Variants in ALG9 observed in about 807,000 individuals in gnomAD.
ALG9 encodes alpha-1,2-mannosyltransferase ALG9.
A neutral mutation model predicts 81.8 loss-of-function variants in ALG9; 55 were observed. The observed-to-expected ratio is 0.67, with a 90% CI of 0.54 to 0.84. The LOEUF is 0.84. ALG9 is among the 40% of genes least tolerant of loss of function. The pLI, the probability that ALG9 is intolerant of heterozygous loss-of-function variation, is 0.00. For synonymous variants in ALG9, 278 were observed against 274.3 expected (o/e 1.01, Z -0.13); for missense variants, 629 against 745.0 (o/e 0.84, Z 1.81).
intron 14 of ALG9, among the ~76,000 whole-genome samples, chr11:111,801,516 T>A (rs1357468521): frequency 6.6e-6 from 1 of 152,258 alleles, no homozygotes; most frequent in East Asian, 1.9e-4. Flanking sequence ...GTAAACGGAC[T>A]TTCATATATT....
intron 8 of ALG9, among the ~76,000 whole-genome samples, chr11:111,848,297 C>A (rs781998752): frequency 5.9e-5 from 9 of 152,166 alleles, no homozygotes; most frequent in Non-Finnish European, 1.2e-4. Context: ...TCCCCAGCTT[C>A]AAATGAAAGG....
At chr11:111,865,011 A>G (rs1961825722) in intron 4 of ALG9, among the ~76,000 whole-genome samples, 170 bp downstream of exon 4, 1 of 152,200 alleles carries the variant, frequency 6.6e-6, no homozygotes, top group Non-Finnish European at 1.5e-5. Context: ...TCTCTACCTC[A>G]GGTGATCTGC....
intron 14 of ALG9, among the ~76,000 whole-genome samples, chr11:111,802,294 T>C (rs1949246408): frequency 6.6e-6 from 1 of 152,240 alleles, no homozygotes; most frequent in Non-Finnish European, 1.5e-5. Flanking sequence ...CCAAAAAGTA[T>C]AAATGATTGA....
intron 2 of ALG9, among the ~76,000 whole-genome samples, chr11:111,869,605 A>G (rs1465285052): frequency 6.6e-6 from 1 of 152,094 alleles, no homozygotes; most frequent in Non-Finnish European, 1.5e-5. Flanking sequence ...AAAAAAAAAG[A>G]AAATTACAAA....
chr11:111,870,412 A>T lies in ALG9; in HGVS notation c.132-42T>A, dbSNP rs782082620. On this transcript the variant is annotated intron_variant, in intron 1 of 14. Coordinates refer to ENST00000616540, the MANE Select transcript of ALG9 (RefSeq NM_024740.2). ...AAAAAAAAAAAAAAAAAAGCATGTCAGGAAGGACCTGCTAATCAGAAGACC... is the reference window on the plus strand; with the variant it reads ...AAAAAAAAAAAAAAAAAAGCATGTCTGGAAGGACCTGCTAATCAGAAGACC... The T allele has an allele frequency of 8.1e-6, 12 of 1,488,182 alleles. No individual in the cohort carries two copies. The East Asian group carries it at 2.8e-4, about 35-fold the overall frequency. 92.2% of individuals were successfully genotyped at this position (1,488,182 alleles called of 1,614,324 possible). A position where few individuals can be genotyped will look rare whatever the true frequency, so the allele number is the denominator to read the frequency against.
intron 13 of ALG9, among the ~76,000 whole-genome samples, chr11:111,813,146 T>C (rs192488602): frequency 6.6e-6 from 1 of 152,144 alleles, no homozygotes; most frequent in African/African-American, 2.4e-5. Flanking sequence ...AAATCAACTT[T>C]AGATGAATAG....
chr11:111,859,728 ATC>A (rs1176603667), intron 5 of ALG9, among the ~76,000 whole-genome samples: 2 of 152,100 alleles, frequency 1.3e-5, no homozygotes, highest in Admixed American at 6.6e-5. Context: ...CAGCCCTGAC[ATC>A]TCTGCAGAAC....
intron 14 of ALG9, among the ~76,000 whole-genome samples, chr11:111,793,048 A>G (rs1555071803): frequency 6.6e-6 from 1 of 152,172 alleles, no homozygotes; most frequent in African/African-American, 2.4e-5. Flanking sequence ...TAGTAGTGTG[A>G]TCCCAGCTCA....
intron 13 of ALG9, among the ~76,000 whole-genome samples, chr11:111,834,554 A>C (rs782785204): frequency 5.3e-5 from 8 of 152,370 alleles, no homozygotes; most frequent in Non-Finnish European, 1.0e-4. Flanking sequence ...CTGAAATTAA[A>C]CAGAGAAGCT....
At chr11:111,845,712 ACT>A (rs781783572) in intron 8 of ALG9, among the ~76,000 whole-genome samples, 1 of 152,164 alleles carries the variant, frequency 6.6e-6, no homozygotes, top group Non-Finnish European at 1.5e-5. Context: ...GGTTTTAATC[ACT>A]GTGTGTTGTG....
intron 13 of ALG9, 21 bp from the exon 14 acceptor site, chr11:111,809,794 C>T: frequency 6.2e-7 from 1 of 1,613,522 alleles, no homozygotes; most frequent in South Asian, 1.1e-5. Flanking sequence ...GAAAGGCCAA[C>T]TCTTCATTAG....
intron 3 of ALG9, 145 bp downstream of exon 3, chr11:111,868,457 T>A (rs1434933188): frequency 2.0e-5 from 21 of 1,046,964 alleles, no homozygotes; most frequent in Non-Finnish European, 2.8e-5. Context: ...TCATTAATGC[T>A]TGTTGAATGG....
At chr11:111,799,415 A>G (rs1054562086) in intron 14 of ALG9, among the ~76,000 whole-genome samples, 9 of 150,866 alleles carry the variant, frequency 6.0e-5, no homozygotes, top group African/African-American at 2.2e-4. Context: ...TCCTGGGATT[A>G]CAGGCATGAG....
rs1946151018 is a variant in ALG9 at position 111,783,617 on chromosome 11, G to A, written c.*2780C>T. On this transcript the variant is annotated 3_prime_UTR_variant, in exon 15 of 15. Transcript: ENST00000616540. Reference sequence around the variant, plus strand: ...GAGAACTGCTACTCTGAGCAGGTGTGTTGAAACTGTTTTTCCCAGGCAAAG... The same window carrying A: ...GAGAACTGCTACTCTGAGCAGGTGTATTGAAACTGTTTTTCCCAGGCAAAG... 1.3e-5 allele frequency: 2 copies of A among 152,180 alleles called. No homozygotes were observed. Among genetic ancestry groups the A allele is most frequent in the South Asian group, 4.1e-4 (2 of 4,834 alleles). The allele number at this position is 152,180 out of a possible 1,614,324, so 9.4% of individuals were successfully genotyped here.
intron 2 of ALG9, among the ~76,000 whole-genome samples, 174 bp from the exon 3 acceptor site, chr11:111,868,910 C>G (rs189505073): frequency 6.6e-6 from 1 of 151,752 alleles, no homozygotes; most frequent in East Asian, 1.9e-4. Context: ...TGCTTGAGCC[C>G]AGTAGTTAAA....
chr11:111,815,754 G>A (rs1465968423), intron 13 of ALG9, among the ~76,000 whole-genome samples: 1 of 152,152 alleles, frequency 6.6e-6, no homozygotes, highest in Admixed American at 6.5e-5. Flanking sequence ...TTATAATGAG[G>A]ATTAAATGAG....
rs568215245 is a variant in ALG9, at chr11:111,815,303, T to A, written c.1603-5530A>T. 6.6e-5 allele frequency among the ~76,000 whole-genome samples: 10 copies of A among 151,884 alleles called. No homozygotes were observed. In the South Asian group the frequency reaches 2.1e-3, roughly 32 times the overall value. On this transcript the variant is annotated intron_variant, in intron 13 of 14. Coordinates refer to ENST00000616540, the MANE Select transcript of ALG9 (RefSeq NM_024740.2). ...ACTTGTAGTCCTAGCTACTTGGGAG[T>A]CTGAGGCGGGAGGATCGCTTGAGCC...
intron 6 of ALG9, among the ~76,000 whole-genome samples, chr11:111,856,296 A>AT (rs1484697958): frequency 6.7e-6 from 1 of 150,256 alleles, no homozygotes; most frequent in Non-Finnish European, 1.5e-5. Context: ...AAAAAAAAAA[A>AT]GAAAAAAAAA....
chr11:111,813,626 T>C (rs1326697602), intron 13 of ALG9, among the ~76,000 whole-genome samples: 4 of 152,110 alleles, frequency 2.6e-5, no homozygotes, highest in Non-Finnish European at 4.4e-5. Context: ...AGGATTCATA[T>C]CTAGAATATA....
Sources: allele counts gnomAD v4.1 joint callset (sites outside exome capture counted in the v4.1 genomes callset), GRCh38; gene constraint gnomAD v4.1.1; transcripts MANE v1.5; gene names NCBI Gene and HGNC (gene_info 2026-07-23, HGNC 2026-07-21).